The following BMP15 variants were observed in gnomAD, a reference collection of about 807,000 sequenced individuals.
BMP15 encodes the protein bone morphogenetic protein 15.
BMP15 carries 5 observed loss-of-function variants against 4.4 expected under a neutral mutation model. The ratio of observed to expected loss-of-function variants is 1.13; its 90% confidence interval spans 0.59 to 2.38. The LOEUF is 2.38. Among genes scored for constraint, BMP15 ranks in the 30% most tolerant of loss-of-function variants. The pLI is 0.01. For synonymous variants in BMP15, 125 were observed against 114.6 expected, an observed-to-expected ratio of 1.09 and a Z score of -0.58; for missense variants, 339 against 309.8, an observed-to-expected ratio of 1.09 and a Z score of -0.71.
At position 50,910,857 on chromosome X, in the gene BMP15, T is replaced by A. The variant is rs782011632; in HGVS notation, c.74T>A (p.Met25Lys). ...LVLFMEHRAQ[M>K]AEGGQSSIAL... Reference sequence around the variant, plus strand: ...CTTTTCATGGAACACAGGGCCCAAATGGCAGAAGGAGGGCAGTCCTCTATT... The same window carrying A: ...CTTTTCATGGAACACAGGGCCCAAAAGGCAGAAGGAGGGCAGTCCTCTATT... Residue 25 changes from methionine to lysine, a missense_variant, in exon 1 of 2, where the codon ATG becomes AAG. Coordinates refer to ENST00000252677, the MANE Select transcript of BMP15 (RefSeq NM_005448.2). The A allele has an allele frequency of 1.7e-6, 2 of 1,207,785 alleles. No homozygotes were observed. Among genetic ancestry groups the A allele is most frequent in the African/African-American group, 3.5e-5 (2 of 57,375 alleles).
intron 1 of BMP15, among the ~76,000 whole-genome samples, chrX:50,911,713 G>A (rs1601952530): frequency 8.9e-6 from 1 of 111,931 alleles, no homozygotes; most frequent in East Asian, 2.8e-4. Context: ...AGATGGGATT[G>A]CAGCTGAAGT....
intron 1 of BMP15, among the ~76,000 whole-genome samples, chrX:50,913,473 A>G (rs1475181357): frequency 9.0e-6 from 1 of 111,138 alleles, no homozygotes; most frequent in Non-Finnish European, 1.9e-5. Flanking sequence ...AAAAAAAACA[A>G]CAACCCCACA....
chrX:50,911,323 T>G (rs1557279966), intron 1 of BMP15, among the ~76,000 whole-genome samples: 1 of 113,080 alleles, frequency 8.8e-6, no homozygotes, highest in Non-Finnish European at 1.9e-5. Context: ...ATTGCCTTGG[T>G]GCCTACTGAG....
intron 1 of BMP15, among the ~76,000 whole-genome samples, 162 bp from the exon 2 acceptor site, chrX:50,915,595 C>G: frequency 9.0e-6 from 1 of 111,680 alleles, no homozygotes; most frequent in Middle Eastern, 4.6e-3. Context: ...TGTAAAGCAT[C>G]TAGTGTATTA....
Position 50,910,937 on chromosome X carries a change from T to C in BMP15, c.154T>C (p.Ser52Pro). ...LPLIEELLEE[S>P]PGEQPRKPRL... Reference sequence around the variant, plus strand: ...CCTGATTGAGGAGCTGCTAGAAGAATCCCCTGGCGAACAGCCAAGGAAGCC... The same window carrying C: ...CCTGATTGAGGAGCTGCTAGAAGAACCCCCTGGCGAACAGCCAAGGAAGCC... The change falls in exon 1 of 2, where the codon TCC (serine) becomes CCC (proline). Residue 52 changes from serine to proline, a missense_variant. Physicochemically the swap from Ser to Pro is moderately conservative, Grantham distance 74. Coordinates refer to ENST00000252677, the MANE Select transcript of BMP15 (RefSeq NM_005448.2). The C allele has an allele frequency of 8.4e-7, 1 of 1,195,347 alleles. No individual in the cohort carries two copies. The highest frequency in any genetic ancestry group is 1.1e-6 in the Non-Finnish European group (1 of 886,875).
In BMP15 at chrX:50,916,435, A is replaced by G. The variant is rs1316536438; in HGVS notation, c.1007A>G (p.Asn336Ser). The G allele has an allele frequency of 6.6e-6, 8 of 1,208,246 alleles. No homozygotes were observed. The highest frequency in any genetic ancestry group is 7.8e-6 in the Non-Finnish European group (7 of 894,304). Residue 336 changes from asparagine (N) to serine (S), a missense_variant, in exon 2 of 2, where the codon AAT becomes AGT. By Grantham distance (46) the Asn-to-Ser change is conservative (BLOSUM62 1). Transcript: ENST00000252677. Reference sequence around the variant, plus strand: ...CTACGCGATGGTCTCAATTCCCCCAATCACGCCATTATTCAGAACCTTATC... The same window carrying G: ...CTACGCGATGGTCTCAATTCCCCCAGTCACGCCATTATTCAGAACCTTATC... ...RVLRDGLNSP[N>S]HAIIQNLINQ...
chrX:50,911,540 C>G (rs1923015744), intron 1 of BMP15, among the ~76,000 whole-genome samples: 1 of 112,122 alleles, frequency 8.9e-6, no homozygotes, highest in Non-Finnish European at 1.9e-5. Flanking sequence ...CATAAATAAG[C>G]TTACATCTGA....
At position 50,916,338 on chromosome X, in the gene BMP15, G is replaced by C; in HGVS notation, c.910G>C (p.Gly304Arg). 1 of 1,193,373 alleles carries C rather than the reference G, an allele frequency of 8.4e-7. No homozygotes were observed. The highest frequency in any genetic ancestry group is 1.9e-5 in the South Asian group (1 of 53,317). ...TTTCCAAATCAGCTTCCGCCAGCTG[G>C]GTTGGGATCACTGGATCATTGCTCC... ...HPFQISFRQLGWDHWIIAPPF... is the reference protein window; with the variant it reads ...HPFQISFRQLRWDHWIIAPPF... Residue 304 changes from glycine (G) to arginine (R), a missense_variant, in exon 2 of 2, where the codon GGT becomes CGT. Physicochemically the swap from Gly to Arg is moderately radical, Grantham distance 125. Coordinates refer to ENST00000252677, the MANE Select transcript of BMP15 (RefSeq NM_005448.2).
chrX:50,913,724 A>G (rs1923061486), intron 1 of BMP15, among the ~76,000 whole-genome samples: 1 of 110,730 alleles, frequency 9.0e-6, no homozygotes, highest in Non-Finnish European at 1.9e-5. Context: ...TTCAGGAAAC[A>G]TGTGATGTCA....
rs1557279953 is a variant in BMP15, at chrX:50,911,112, G to A, written c.328+1G>A. 1 of 1,176,422 alleles carries A rather than the reference G, an allele frequency of 8.5e-7. No individual in the cohort carries two copies. Among genetic ancestry groups the A allele is most frequent in the East Asian group, 3.2e-5 (1 of 31,580 alleles). On this transcript the variant is annotated splice_donor_variant, in intron 1 of 1. Transcript: ENST00000252677. LOFTEE classifies it high-confidence loss of function. ...ACCAATGTGGCAAGGCCTCACAGAGGTGAGTTGTTATGCCCCCATACTGCC... is the reference window on the plus strand; with the variant it reads ...ACCAATGTGGCAAGGCCTCACAGAGATGAGTTGTTATGCCCCCATACTGCC...
chrX:50,910,789 C>T lies in BMP15; in HGVS notation c.6C>T (p.Val2=). The T allele has an allele frequency of 2.5e-6, 3 of 1,205,903 alleles. No individual in the cohort carries two copies. The highest frequency in any genetic ancestry group is 3.0e-5 in the East Asian group (1 of 33,713). Residue 2 remains valine (V), a synonymous_variant, in exon 1 of 2, where the codon GTC becomes GTT. Transcript: ENST00000252677. M[V]LLSILRILFL... ...TGAACACTAAGCCTTTCAAGATGGTCCTCCTCAGTATTCTTAGAATTCTTT... is the reference window on the plus strand; with the variant it reads ...TGAACACTAAGCCTTTCAAGATGGTTCTCCTCAGTATTCTTAGAATTCTTT...
At position 50,915,812 on chromosome X, in the gene BMP15, C is replaced by T; in HGVS notation, c.384C>T (p.Tyr128=). 3 of 1,211,383 alleles carry T rather than the reference C, an allele frequency of 2.5e-6. No homozygotes were observed. In the African/African-American group the frequency reaches 5.2e-5, roughly 21 times the overall value. ...CTCTCAGACCAAACCGAGGACTATACCAACTAGTTAGAGCCACTGTGGTTT... is the reference window on the plus strand; with the variant it reads ...CTCTCAGACCAAACCGAGGACTATATCAACTAGTTAGAGCCACTGTGGTTT... ...GFPLRPNRGL[Y]QLVRATVVYR... is the part of the protein sequence containing the mutation. The change falls in exon 2 of 2, where the codon TAC becomes TAT. Residue 128 remains tyrosine (Y), a synonymous_variant. Coordinates refer to ENST00000252677, the MANE Select transcript of BMP15 (RefSeq NM_005448.2).
chrX:50,916,222 G>A lies in BMP15; in HGVS notation c.794G>A (p.Arg265Lys). Reference sequence around the variant, plus strand: ...ATGGAAAGGGAATCTCTTCTCCGGAGAACCCGACAAGCAGATGGTATCTCA... The same window carrying A: ...ATGGAAAGGGAATCTCTTCTCCGGAAAACCCGACAAGCAGATGGTATCTCA... ...EFMERESLLRRTRQADGISAE... is the reference protein window; with the variant it reads ...EFMERESLLRKTRQADGISAE... The change falls in exon 2 of 2, where the codon AGA (arginine) becomes AAA (lysine). Residue 265 changes from arginine to lysine, a missense_variant. Arg to Lys is a conservative substitution (Grantham distance 26, BLOSUM62 2). Coordinates refer to ENST00000252677, the MANE Select transcript of BMP15 (RefSeq NM_005448.2). 2.5e-6 allele frequency: 3 copies of A among 1,211,423 alleles called. No homozygotes were observed. Among genetic ancestry groups the A allele is most frequent in the Non-Finnish European group, 3.4e-6 (3 of 895,473 alleles).
rs782519759 is a variant in BMP15, at chrX:50,911,051, A to G, written c.268A>G (p.Ile90Val). The G allele has an allele frequency of 1.7e-6, 2 of 1,198,446 alleles. No individual in the cohort carries two copies. Among genetic ancestry groups the G allele is most frequent in the Admixed American group, 4.5e-5 (2 of 44,680 alleles). ...TGGGCACCCTAGAGAGAACCGCACC[A>G]TTGGGGCCACCATGGTGAGGCTGGT... Reference protein sequence around the residue: ...SHGHPRENRTIGATMVRLVKP... With the variant: ...SHGHPRENRTVGATMVRLVKP... Residue 90 changes from isoleucine (I) to valine (V), a missense_variant, in exon 1 of 2, where the codon ATT (isoleucine) becomes GTT (valine). Physicochemically the swap from Ile to Val is conservative, Grantham distance 29 (BLOSUM62 3). Coordinates refer to ENST00000252677, the MANE Select transcript of BMP15 (RefSeq NM_005448.2).
At chrX:50,915,612 G>A (rs1462303727) in intron 1 of BMP15, 145 bp from the exon 2 acceptor site, 7 of 698,345 alleles carry the variant, frequency 1.0e-5, no homozygotes, top group Non-Finnish European at 1.5e-5. Context: ...ATTAGTAAGT[G>A]CTCAGTAAAT....
At position 50,915,814 on chromosome X, in the gene BMP15, A is replaced by C. The variant is rs782474336; in HGVS notation, c.386A>C (p.Gln129Pro). 1 of 1,211,355 alleles carries C rather than the reference A, an allele frequency of 8.3e-7. No homozygotes were observed. The highest frequency in any genetic ancestry group is 1.1e-6 in the Non-Finnish European group (1 of 895,339). The change falls in exon 2 of 2, where the codon CAA becomes CCA. Residue 129 changes from glutamine to proline, a missense_variant. Gln to Pro is a moderately conservative substitution (Grantham distance 76). Transcript: ENST00000252677. ...CTCAGACCAAACCGAGGACTATACC[A>C]ACTAGTTAGAGCCACTGTGGTTTAC... ...FPLRPNRGLY[Q>P]LVRATVVYRH...
At chrX:50,912,925 C>G (rs140826022) in intron 1 of BMP15, among the ~76,000 whole-genome samples, 141 of 111,538 alleles carry the variant, frequency 1.3e-3, no homozygotes, top group South Asian at 0.012. Flanking sequence ...GCCATTTGAG[C>G]TCAGGTCTAT....
At position 50,910,832 on chromosome X, in the gene BMP15, C is replaced by A; in HGVS notation, c.49C>A (p.Leu17Ile). 1 of 1,209,782 alleles carries A rather than the reference C, an allele frequency of 8.3e-7. No homozygotes were observed. The highest frequency in any genetic ancestry group is 1.1e-6 in the Non-Finnish European group (1 of 894,423). Residue 17 changes from leucine (L) to isoleucine (I), a missense_variant, in exon 1 of 2, where the codon CTT becomes ATT. Transcript: ENST00000252677. ...LRILFLCELV[L>I]FMEHRAQMAE... ...AATTCTTTTTCTTTGTGAACTCGTG[C>A]TTTTCATGGAACACAGGGCCCAAAT...
intron 1 of BMP15, among the ~76,000 whole-genome samples, chrX:50,915,096 T>A (rs1021367180): frequency 2.2e-4 from 25 of 111,324 alleles, no homozygotes; most frequent in African/African-American, 7.5e-4. Context: ...ATTCTTGAAG[T>A]AGATGGAAGG....
Sources: allele counts gnomAD v4.1 joint callset (sites outside exome capture counted in the v4.1 genomes callset), GRCh38; gene constraint gnomAD v4.1.1; transcripts MANE v1.5; gene names NCBI Gene and HGNC (gene_info 2026-07-23, HGNC 2026-07-21).